The following SIRT1 variants were observed in gnomAD, a reference collection of about 807,000 sequenced individuals.
SIRT1 encodes sirtuin 1, also known as NAD-dependent protein deacetylase sirtuin-1.
In SIRT1, 24 loss-of-function variants were observed where a neutral mutation model predicts 67.9. The observed-to-expected ratio is 0.35, with a 90% CI of 0.26 to 0.50. The LOEUF (loss-of-function observed/expected upper bound fraction) is 0.50. Ranked by LOEUF, SIRT1 falls within the 20% of genes least tolerant of loss-of-function variation. SIRT1 has a pLI of 0.98. For missense variants in SIRT1, 873 were observed against 937.2 expected, an observed-to-expected ratio of 0.93 and a Z score of 0.89; for synonymous variants, 378 against 350.7, an observed-to-expected ratio of 1.08 and a Z score of -0.87.
At chr10:67,891,029 CAAAA>C (rs11327756) in intron 3 of SIRT1, among the ~76,000 whole-genome samples, 1 of 100,406 alleles carries the variant, frequency 1.0e-5, no homozygotes, top group Non-Finnish European at 2.2e-5. Context: ...GACTCTGTCT[CAAAA>C]AAAAAAAAAA....
intron 5 of SIRT1, 60 bp from the exon 6 acceptor site, chr10:67,907,986 G>A (rs1178956942): frequency 2.2e-6 from 3 of 1,353,368 alleles, no homozygotes; most frequent in East Asian, 2.3e-5. Flanking sequence ...AACGTTTGTG[G>A]TGTGTTCAAG....
intron 5 of SIRT1, 106 bp downstream of exon 5, chr10:67,907,043 A>C: frequency 1.0e-6 from 1 of 995,880 alleles, no homozygotes; most frequent in Non-Finnish European, 1.4e-6. Context: ...GCATTATTTA[A>C]TCATGTTATC....
intron 2 of SIRT1, among the ~76,000 whole-genome samples, chr10:67,888,042 C>T (rs892282707): frequency 6.6e-6 from 1 of 152,180 alleles, no homozygotes; most frequent in Non-Finnish European, 1.5e-5. Context: ...ATAAGTTCTA[C>T]GGGAGCAGGA....
intron 4 of SIRT1, among the ~76,000 whole-genome samples, chr10:67,897,948 CT>C (rs1193148620): frequency 0.49 from 52,849 of 108,496 alleles, 13,149 homozygotes; most frequent in Non-Finnish European, 0.57. Flanking sequence ...TATAAAATAA[CT>C]TTTTTTTTTT....
chr10:67,908,893 C>A (rs1842859302), intron 6 of SIRT1, among the ~76,000 whole-genome samples: 1 of 152,108 alleles, frequency 6.6e-6, no homozygotes, highest in South Asian at 2.1e-4. Flanking sequence ...CAGAACAAGA[C>A]TCCATCTCAA....
At chr10:67,906,979 T>A (rs1374822461) in intron 5 of SIRT1, 42 bp downstream of exon 5, 1 of 1,493,840 alleles carries the variant, frequency 6.7e-7, no homozygotes, top group Non-Finnish European at 8.9e-7. Flanking sequence ...TTATTTTAGT[T>A]TTATAGGAAG....
chr10:67,888,967 T>G lies in SIRT1; in HGVS notation c.633T>G (p.Pro211=). 6.2e-7 allele frequency: 1 copy of G among 1,614,010 alleles called. No homozygotes were observed. The highest frequency in any genetic ancestry group is 1.3e-5 in the African/African-American group (1 of 75,048). ...AAGATTTATTGCCGGAAACAATACCTCCACCTGAGTTGGATGATATGACAC... is the reference window on the plus strand; with the variant it reads ...AAGATTTATTGCCGGAAACAATACCGCCACCTGAGTTGGATGATATGACAC... ...ILKDLLPETI[P]PPELDDMTLW... The change falls in exon 3 of 9, where the codon CCT becomes CCG. Residue 211 remains proline (P), a synonymous_variant. Coordinates refer to ENST00000212015, the MANE Select transcript of SIRT1 (RefSeq NM_012238.5).
intron 6 of SIRT1, among the ~76,000 whole-genome samples, chr10:67,909,049 T>A (rs34244004): frequency 6.6e-6 from 1 of 152,236 alleles, no homozygotes; most frequent in African/African-American, 2.4e-5. Context: ...TACATAGATA[T>A]TATAACAAGA....
chr10:67,912,919 G>A lies in SIRT1; in HGVS notation c.1803G>A (p.Lys601=). ...IAEQMENPDL[K]NVGSSTGEKN... Reference sequence around the variant, plus strand: ...AACAGATGGAAAATCCGGATTTGAAGAATGTTGGTTCTAGTACTGGGGAGA... The same window carrying A: ...AACAGATGGAAAATCCGGATTTGAAAAATGTTGGTTCTAGTACTGGGGAGA... Residue 601 remains lysine, a synonymous_variant, in exon 8 of 9, where the codon AAG becomes AAA. Transcript: ENST00000212015. 6.2e-7 allele frequency: 1 copy of A among 1,614,156 alleles called. No individual in the cohort carries two copies. The highest frequency in any genetic ancestry group is 8.5e-7 in the Non-Finnish European group (1 of 1,180,022).
At position 67,909,452 on chromosome 10, in the gene SIRT1, T is replaced by C; in HGVS notation, c.1357+10T>C. On this transcript the variant is annotated intron_variant, in intron 7 of 8. Coordinates refer to ENST00000212015, the MANE Select transcript of SIRT1 (RefSeq NM_012238.5). ...GTAGCACTAATTCCAAGTAAGTTGG[T>C]GATGGTTTTTGGAGAACATTTCTAT... is the stretch of plus-strand genomic sequence containing the variant. 1 of 1,595,160 alleles carries C rather than the reference T, an allele frequency of 6.3e-7. No homozygotes were observed. Among genetic ancestry groups the C allele is most frequent in the Non-Finnish European group, 8.5e-7 (1 of 1,173,428 alleles).
At chr10:67,900,398 G>A (rs1484473072) in intron 4 of SIRT1, among the ~76,000 whole-genome samples, 2 of 152,080 alleles carry the variant, frequency 1.3e-5, no homozygotes, top group East Asian at 3.9e-4. Flanking sequence ...GCCCACCTTG[G>A]CCTCCCAAAG....
intron 4 of SIRT1, among the ~76,000 whole-genome samples, chr10:67,896,952 G>C (rs949940860): frequency 1.3e-5 from 2 of 151,884 alleles, no homozygotes; most frequent in African/African-American, 4.8e-5. Flanking sequence ...CTTAAGCCCA[G>C]GTGACTGGCC....
In SIRT1 at chr10:67,917,518, A is replaced by G. The variant is rs527573780; in HGVS notation, c.*925A>G. On this transcript the variant is annotated 3_prime_UTR_variant, in exon 9 of 9. Transcript: ENST00000212015. ...ATGTGAATATGCAAAGCCTTTCTGA[A>G]TCTATAATAATGGTACTTCTACTGG... 2.0e-5 allele frequency: 3 copies of G among 152,702 alleles called. No individual in the cohort carries two copies. In the East Asian group the frequency reaches 5.8e-4, roughly 29 times the overall value. 9.5% of individuals were successfully genotyped at this position (152,702 alleles called of 1,614,324 possible).
intron 4 of SIRT1, among the ~76,000 whole-genome samples, chr10:67,904,034 C>T (rs1174359990): frequency 6.6e-6 from 1 of 151,762 alleles, no homozygotes; most frequent in South Asian, 2.1e-4. Flanking sequence ...TGGTTTTCAA[C>T]AAGTGGTCCT....
chr10:67,891,982 G>C (rs1055699660), intron 4 of SIRT1, among the ~76,000 whole-genome samples: 2 of 152,214 alleles, frequency 1.3e-5, no homozygotes, highest in African/African-American at 4.8e-5. Flanking sequence ...AGAATGGGAA[G>C]ATTCTTGGGT....
At chr10:67,901,476 C>G (rs1317468900) in intron 4 of SIRT1, among the ~76,000 whole-genome samples, 2 of 152,122 alleles carry the variant, frequency 1.3e-5, no homozygotes, top group Non-Finnish European at 2.9e-5. Flanking sequence ...GCTGGATCAG[C>G]AAACTTTCTG....
Position 67,884,727 on chromosome 10 carries a change from G to A in SIRT1, c.6G>A (p.Ala2=), listed in dbSNP as rs995528945. The change falls in exon 1 of 9, where the codon GCG becomes GCA. Residue 2 remains alanine, a synonymous_variant. Coordinates refer to ENST00000212015, the MANE Select transcript of SIRT1 (RefSeq NM_012238.5). ...GCCAGAGAGGCAGTTGGAAGATGGCGGACGAGGCGGCCCTCGCCCTTCAGC... is the reference window on the plus strand; with the variant it reads ...GCCAGAGAGGCAGTTGGAAGATGGCAGACGAGGCGGCCCTCGCCCTTCAGC... M[A]DEAALALQPG... 4 of 1,229,090 alleles carry A rather than the reference G, an allele frequency of 3.3e-6. No individual in the cohort carries two copies. The highest frequency in any genetic ancestry group is 1.0e-6 in the Non-Finnish European group (1 of 986,270). The allele number at this position is 1,229,090 out of a possible 1,614,324, so 76.1% of individuals were successfully genotyped here.
At chr10:67,895,872 GC>G (rs1474299074) in intron 4 of SIRT1, among the ~76,000 whole-genome samples, 3 of 150,286 alleles carry the variant, frequency 2.0e-5, no homozygotes, top group Non-Finnish European at 4.4e-5. Flanking sequence ...CTACTGAGTA[GC>G]TGGGATTACA....
At position 67,912,528 on chromosome 10, in the gene SIRT1, A is replaced by G. The variant is rs779026786; in HGVS notation, c.1412A>G (p.His471Arg). ...TTAATTAATAGAGAACCTTTGCCTC[A>G]TCTGCATTTTGATGTAGAGCTTCTT... is the stretch of plus-strand genomic sequence containing the variant. ...QILINREPLP[H>R]LHFDVELLGD... The change falls in exon 8 of 9, where the codon CAT becomes CGT. Residue 471 changes from histidine to arginine, a missense_variant. Around this residue, in one of 3 missense-constraint regions of SIRT1, gnomAD observed 251 missense variants for 358.8 expected, o/e 0.70. Transcript: ENST00000212015. 3 of 1,614,044 alleles carry G rather than the reference A, an allele frequency of 1.9e-6. No homozygotes were observed. Among genetic ancestry groups the G allele is most frequent in the Non-Finnish European group, 2.5e-6 (3 of 1,180,018 alleles).
Sources: gnomAD v4.1 joint callset for allele counts (sites outside exome capture counted in the v4.1 genomes callset) on GRCh38, gnomAD v4.1.1 for gene constraint, gnomAD v4.1.1 regional missense constraint, MANE v1.5 for transcripts, NCBI Gene and HGNC (gene_info 2026-07-23, HGNC 2026-07-21) for gene names.